The following CBR3 variants were observed in gnomAD, a reference collection of about 807,000 sequenced individuals.
CBR3 encodes carbonyl reductase [NADPH] 3.
CBR3 carries 14 observed loss-of-function variants against 11.6 expected under a neutral mutation model. The observed-to-expected ratio is 1.20, with a 90% CI of 0.79 to 1.88. The LOEUF (loss-of-function observed/expected upper bound fraction) is 1.88, where lower values mean the gene tolerates loss of function less well. Among genes scored for constraint, CBR3 ranks in the 40% most tolerant of loss-of-function variants. CBR3 has a pLI of 0.00. For synonymous variants in CBR3, 125 were observed against 145.6 expected, an observed-to-expected ratio of 0.86 and a Z score of 1.02; for missense variants, 308 against 357.3, an observed-to-expected ratio of 0.86 and a Z score of 1.11.
chr21:36,137,549 AGG>A (rs1568978666), intron 1 of CBR3, among the ~76,000 whole-genome samples: 3 of 114,824 alleles, frequency 2.6e-5, no homozygotes, highest in Admixed American at 8.4e-5. Flanking sequence ...GAAGGAAGGA[AGG>A]AAGGAAGGAA....
chr21:36,142,435 A>AAAAAAAAAAAAAAAAC (rs1176543519), intron 2 of CBR3, among the ~76,000 whole-genome samples: 11 of 137,940 alleles, frequency 8.0e-5, no homozygotes, highest in Non-Finnish European at 1.4e-4. Flanking sequence ...CCATCTCAAA[A>AAAAAAAAAAAAAAAAC]AAAAAAAAAA....
chr21:36,145,996 C>T (rs903546522), intron 2 of CBR3, 80 bp from the exon 3 acceptor site: 2 of 770,332 alleles, frequency 2.6e-6, no homozygotes, highest in Non-Finnish European at 4.2e-6. Flanking sequence ...CACCAAGACT[C>T]AATCATATGT....
At chr21:36,139,078 A>G (rs2123341338) in intron 2 of CBR3, among the ~76,000 whole-genome samples, 1 of 152,152 alleles carries the variant, frequency 6.6e-6, no homozygotes, top group East Asian at 1.9e-4. Flanking sequence ...TGTCTTGCCT[A>G]TACCTGCAGG....
chr21:36,138,920 T>C (rs957334556), intron 2 of CBR3: 2 of 152,002 alleles, frequency 1.3e-5, no homozygotes, highest in Admixed American at 6.6e-5. Flanking sequence ...TCATTTTGTA[T>C]TTTTAGTACA....
intron 1 of CBR3, among the ~76,000 whole-genome samples, chr21:36,136,308 GA>G (rs3028091): frequency 2.2e-4 from 31 of 140,258 alleles, no homozygotes; most frequent in African/African-American, 4.6e-4. Context: ...GACTCCGTAT[GA>G]AAAAAAAAAA....
At chr21:36,143,089 G>A (rs1333594857) in intron 2 of CBR3, among the ~76,000 whole-genome samples, 1 of 152,162 alleles carries the variant, frequency 6.6e-6, no homozygotes, top group Non-Finnish European at 1.5e-5. Flanking sequence ...CAGAGCACCT[G>A]AGGTCAGGAG....
chr21:36,145,960 C>CAAA (rs367940562), intron 2 of CBR3, 116 bp from the exon 3 acceptor site: 2,083 of 452,970 alleles, frequency 4.6e-3, no homozygotes, highest in East Asian at 5.0e-3. Context: ...GACTCTGTCT[C>CAAA]AAAAAAAAAA....
chr21:36,139,794 G>A (rs2065694199), intron 2 of CBR3, among the ~76,000 whole-genome samples: 1 of 150,800 alleles, frequency 6.6e-6, no homozygotes, highest in Non-Finnish European at 1.5e-5. Flanking sequence ...GATCACTTGA[G>A]CCCACGAGTT....
chr21:36,143,167 T>C (rs34815363), intron 2 of CBR3, among the ~76,000 whole-genome samples: 152 of 152,006 alleles, frequency 1.0e-3, no homozygotes, highest in African/African-American at 3.6e-3. Flanking sequence ...TAGCTGGGCA[T>C]GGTGGCGCAC....
intron 2 of CBR3, among the ~76,000 whole-genome samples, chr21:36,143,396 T>C (rs1243684346): frequency 2.0e-5 from 3 of 152,152 alleles, no homozygotes; most frequent in Admixed American, 1.3e-4. Context: ...GGTTTGATGC[T>C]GATGAAATGT....
chr21:36,137,927 C>T lies in CBR3; in HGVS notation c.392C>T (p.Pro131Leu), dbSNP rs745496573. The change falls in exon 2 of 3, where the codon CCT (proline) becomes CTT (leucine). Residue 131 changes from proline to leucine, a missense_variant. Pro to Leu is a moderately conservative substitution (Grantham distance 98, BLOSUM62 -3). Transcript: ENST00000290354. ...MCNELLPIMK[P>L]HGRVVNISSL... ...AACGAGTTACTGCCGATAATGAAACCTCATGGTAAGCCCAACGTGTGGACA... is the reference window on the plus strand; with the variant it reads ...AACGAGTTACTGCCGATAATGAAACTTCATGGTAAGCCCAACGTGTGGACA... 3.1e-6 allele frequency: 5 copies of T among 1,588,346 alleles called. No individual in the cohort carries two copies. The highest frequency in any genetic ancestry group is 4.3e-6 in the Non-Finnish European group (5 of 1,157,072).
At position 36,135,158 on chromosome 21, in the gene CBR3, C is replaced by T. The variant is rs1406888747; in HGVS notation, c.-35C>T. ...CCAGGTGGTCCGAAGCCCGGTCCGC[C>T]CTCCACGCAGGTGCCCCGCGCTCCC... On this transcript the variant is annotated 5_prime_UTR_variant, in exon 1 of 3. Coordinates refer to ENST00000290354, the MANE Select transcript of CBR3 (RefSeq NM_001236.4). 2 of 1,419,480 alleles carry T rather than the reference C, an allele frequency of 1.4e-6. No individual in the cohort carries two copies. Among genetic ancestry groups the T allele is most frequent in the Admixed American group, 3.0e-5 (1 of 33,084 alleles). 87.9% of individuals were successfully genotyped at this position (1,419,480 alleles called of 1,614,324 possible).
chr21:36,137,065 A>G (rs1475487401), intron 1 of CBR3: 1 of 150,210 alleles, frequency 6.7e-6, no homozygotes, highest in African/African-American at 2.5e-5. Context: ...TCTGCATTTC[A>G]ACAGAATCCC....
At chr21:36,142,160 C>T (rs1041552547) in intron 2 of CBR3, among the ~76,000 whole-genome samples, 54 of 152,022 alleles carry the variant, frequency 3.6e-4, no homozygotes, top group African/African-American at 1.3e-3. Context: ...GGGCCAGGTG[C>T]GGTGACTCAC....
At chr21:36,141,559 G>C (rs2065709559) in intron 2 of CBR3, 1 of 152,170 alleles carries the variant, frequency 6.6e-6, no homozygotes, top group Non-Finnish European at 1.5e-5. Context: ...CAGAGGGCAG[G>C]GACCATCTAT....
At position 36,135,119 on chromosome 21, in the gene CBR3, C is replaced by T; in HGVS notation, c.-74C>T. ...CGGCGGCATTGACACTAGCTGGGCT[C>T]CTCGGGGCGCGCCCCAGGTGGTCCG... On this transcript the variant is annotated 5_prime_UTR_variant, in exon 1 of 3. Transcript: ENST00000290354. 1 of 1,364,802 alleles carries T rather than the reference C, an allele frequency of 7.3e-7. No homozygotes were observed. Among genetic ancestry groups the T allele is most frequent in the South Asian group, 1.6e-5 (1 of 62,688 alleles). The allele number at this position is 1,364,802 out of a possible 1,614,324, so 84.5% of individuals were successfully genotyped here.
chr21:36,145,977 A>AG, intron 2 of CBR3, 99 bp from the exon 3 acceptor site: 1 of 820,168 alleles, frequency 1.2e-6, no homozygotes, highest in Non-Finnish European at 1.9e-6. Context: ...AAAAAAAAAA[A>AG]AAAACCTGCA....
chr21:36,135,729 C>A (rs913162529), intron 1 of CBR3: 5 of 464,882 alleles, frequency 1.1e-5, no homozygotes, highest in Non-Finnish European at 1.9e-5. Flanking sequence ...CGGCCCGGGG[C>A]CCTCCCCGAA....
chr21:36,146,055 A>G (rs750202412), intron 2 of CBR3, 21 bp from the exon 3 acceptor site: 35 of 1,546,662 alleles, frequency 2.3e-5, no homozygotes, highest in Non-Finnish European at 3.0e-5. Context: ...ATGCTTTCAT[A>G]TATTTATCAT....
Sources: gnomAD v4.1 joint callset for allele counts (sites outside exome capture counted in the v4.1 genomes callset) on GRCh38, gnomAD v4.1.1 for gene constraint, MANE v1.5 for transcripts, NCBI Gene and HGNC (gene_info 2026-07-23, HGNC 2026-07-21) for gene names.